ZNF616: variants seen among roughly 807,000 people sequenced by gnomAD.
ZNF616 encodes the protein zinc finger protein 616.
ZNF616 carries 5 observed loss-of-function variants against 7.6 expected under a neutral mutation model. That is an observed-to-expected ratio of 0.66 (90% confidence interval 0.34 to 1.38). The LOEUF (loss-of-function observed/expected upper bound fraction) is 1.38, where lower values mean the gene tolerates loss of function less well. Ranked by LOEUF, ZNF616 falls within the 40% of genes most tolerant of loss-of-function variation. The pLI is 0.04. For synonymous variants in ZNF616, 319 were observed against 317.2 expected (o/e 1.01, Z -0.06); for missense variants, 913 against 948.3 (o/e 0.96, Z 0.49).
In ZNF616 at chr19:52,116,465, T is replaced by C; in HGVS notation, c.699A>G (p.Val233=). 6.2e-6 allele frequency: 10 copies of C among 1,614,164 alleles called. No homozygotes were observed. The highest frequency in any genetic ancestry group is 8.5e-6 in the Non-Finnish European group (10 of 1,180,020). ...HRASLLTVHK[V]VHTRGKSYQC... is the part of the protein sequence containing the mutation. ...GATATGATTTCCCTCTTGTATGGAC[T>C]ACCTTGTGTACAGTTAGTAGTGAGG... is the stretch of plus-strand genomic sequence containing the variant. The change falls in exon 4 of 4, where the codon GTA becomes GTG. Residue 233 remains valine (V), a synonymous_variant. Coordinates refer to ENST00000600228, the MANE Select transcript of ZNF616 (RefSeq NM_178523.5).
At chr19:52,133,401 T>A (rs2088976908) in intron 1 of ZNF616, among the ~76,000 whole-genome samples, 2 of 152,158 alleles carry the variant, frequency 1.3e-5, no homozygotes, top group Middle Eastern at 3.4e-3. Context: ...AATAGGCCAA[T>A]TTTTTTTCTC....
At chr19:52,125,968 T>G (rs902035207) in intron 2 of ZNF616, among the ~76,000 whole-genome samples, 2 of 152,046 alleles carry the variant, frequency 1.3e-5, no homozygotes, top group Non-Finnish European at 2.9e-5. Context: ...AGCAAACCTC[T>G]TCAATAGGGA....
rs201876717 is a variant in ZNF616, at chr19:52,114,992, T to C, written c.2172A>G (p.Lys724=). The part of the protein sequence containing the change: ...EKRYKCIECG[K]AFGRLFSLSK... ...TGAGGGAAAACAACCGCCCAAAGGC[T>C]TTGCCACATTCAATACATTTGTATC... The change falls in exon 4 of 4, where the codon AAA becomes AAG. Residue 724 remains lysine, a synonymous_variant. Coordinates refer to ENST00000600228, the MANE Select transcript of ZNF616 (RefSeq NM_178523.5). The C allele has an allele frequency of 1.9e-6, 3 of 1,614,216 alleles. No homozygotes were observed. The highest frequency in any genetic ancestry group is 2.2e-5 in the East Asian group (1 of 44,884).
Position 52,114,738 on chromosome 19 carries a change from G to A in ZNF616, c.*80C>T, listed in dbSNP as rs918966335. The A allele has an allele frequency of 6.8e-7, 1 of 1,467,328 alleles. No homozygotes were observed. The allele number at this position is 1,467,328 out of a possible 1,614,324, so 90.9% of individuals were successfully genotyped here. Reference sequence around the variant, plus strand: ...ATACTGGAGATTACAATTCCACAGGGATTTCAAGAGAAGGGGTAAATATAC... The same window carrying A: ...ATACTGGAGATTACAATTCCACAGGAATTTCAAGAGAAGGGGTAAATATAC... On this transcript the variant is annotated 3_prime_UTR_variant, in exon 4 of 4. Transcript: ENST00000600228.
At chr19:52,138,694 GCTCC>G (rs991043716) in intron 1 of ZNF616, 1 of 152,154 alleles carries the variant, frequency 6.6e-6, no homozygotes, top group African/African-American at 2.4e-5. Flanking sequence ...CCCCATCTGA[GCTCC>G]CTGTCTGCTC....
chr19:52,116,776 C>T lies in ZNF616; in HGVS notation c.388G>A (p.Asp130Asn). The stretch of plus-strand genomic sequence containing the variant: ...TTTTCAATATGATTGTTTTCTACAT[C>T]CCCTTGACTATGTTGATCTCTTTTA... ...TGKRDQHSQG[D>N]VENNHIENQL... Residue 130 changes from aspartate (D) to asparagine (N), a missense_variant, in exon 4 of 4, where the codon GAT becomes AAT. Transcript: ENST00000600228. 1.2e-6 allele frequency: 2 copies of T among 1,614,132 alleles called. 1 individual carries two copies. The highest frequency in any genetic ancestry group is 2.2e-5 in the South Asian group (2 of 91,078).
In ZNF616 at chr19:52,114,612, C is replaced by A. The variant is rs2088797747; in HGVS notation, c.*206G>T. 1 of 552,306 alleles carries A rather than the reference C, an allele frequency of 1.8e-6. No homozygotes were observed. The highest frequency in any genetic ancestry group is 1.9e-5 in the African/African-American group (1 of 52,450). The allele number at this position is 552,306 out of a possible 1,614,324, so 34.2% of individuals were successfully genotyped here. On this transcript the variant is annotated 3_prime_UTR_variant, in exon 4 of 4. Transcript: ENST00000600228. Reference sequence around the variant, plus strand: ...TAAACAGCCAGACCTCAAGAGAAGTCACTATTGCCAGGACAGCACCAAGGG... The same window carrying A: ...TAAACAGCCAGACCTCAAGAGAAGTAACTATTGCCAGGACAGCACCAAGGG...
intron 3 of ZNF616, among the ~76,000 whole-genome samples, chr19:52,121,823 C>T (rs1443044073): frequency 6.6e-6 from 1 of 152,084 alleles, no homozygotes; most frequent in African/African-American, 2.4e-5. Context: ...TGGATATAGA[C>T]TTAAATGTAA....
intron 1 of ZNF616, among the ~76,000 whole-genome samples, chr19:52,131,797 A>G (rs1024668228): frequency 6.6e-6 from 1 of 152,160 alleles, no homozygotes; most frequent in Non-Finnish European, 1.5e-5. Context: ...TGTTTAAATG[A>G]GTGGGAAGTC....
chr19:52,138,993 T>C (rs2089036100), intron 1 of ZNF616, among the ~76,000 whole-genome samples: 3 of 152,142 alleles, frequency 2.0e-5, no homozygotes, highest in Admixed American at 6.5e-5. Flanking sequence ...AGCTCTCCCT[T>C]TTCCCTAATT....
At chr19:52,132,539 C>T (rs2088969290) in intron 1 of ZNF616, among the ~76,000 whole-genome samples, 1 of 152,122 alleles carries the variant, frequency 6.6e-6, no homozygotes, top group Admixed American at 6.5e-5. Flanking sequence ...AATGGTTTCG[C>T]ACCACCCCTT....
chr19:52,139,471 C>T lies in ZNF616; in HGVS notation c.-77+261G>A, dbSNP rs947710640. Among the ~76,000 whole-genome samples, 2 of 152,090 alleles carry T rather than the reference C, an allele frequency of 1.3e-5. No homozygotes were observed. Among genetic ancestry groups the T allele is most frequent in the African/African-American group, 4.8e-5 (2 of 41,432 alleles). On this transcript the variant is annotated intron_variant, in intron 1 of 3. Transcript: ENST00000600228. This position sits in a 1 kb window ranked among gnomAD's most constrained non-coding sequence, Gnocchi z 4.1. ...TCCCAGGACCTGGGAGAAGAAGCGG[C>T]TCCTTCAGGAGCTGGGCAGCGGGCG... is the stretch of plus-strand genomic sequence containing the variant.
chr19:52,127,356 A>G (rs1352203217), intron 2 of ZNF616, among the ~76,000 whole-genome samples: 3 of 152,148 alleles, frequency 2.0e-5, no homozygotes, highest in Non-Finnish European at 4.4e-5. Flanking sequence ...CACCCGGCCA[A>G]TATGTGGAAT....
At chr19:52,131,247 G>A (rs189047946) in intron 1 of ZNF616, among the ~76,000 whole-genome samples, 1 of 121,220 alleles carries the variant, frequency 8.2e-6, no homozygotes, top group African/African-American at 3.3e-5. Context: ...CAGCCTGGGC[G>A]ACAGAGACTC....
Position 52,128,259 on chromosome 19 carries a change from C to T in ZNF616, c.12+2242G>A, listed in dbSNP as rs2088926990. Among the ~76,000 whole-genome samples, 5 of 151,256 alleles carry T rather than the reference C, an allele frequency of 3.3e-5. No homozygotes were observed. In the South Asian group the frequency reaches 6.2e-4, roughly 19 times the overall value. Reference sequence around the variant, plus strand: ...GGCTATGGGGAAAATGAAAACCCTTCGTATTTCCATTTTCCAATTCCTTGG... The same window carrying T: ...GGCTATGGGGAAAATGAAAACCCTTTGTATTTCCATTTTCCAATTCCTTGG... On this transcript the variant is annotated intron_variant, in intron 2 of 3. Coordinates refer to ENST00000600228, the MANE Select transcript of ZNF616 (RefSeq NM_178523.5).
intron 2 of ZNF616, among the ~76,000 whole-genome samples, chr19:52,124,478 G>A (rs952321263): frequency 2.6e-4 from 40 of 152,202 alleles, no homozygotes; most frequent in African/African-American, 8.7e-4. Flanking sequence ...CACTCCCCAC[G>A]TGCTGGGCAT....
intron 2 of ZNF616, among the ~76,000 whole-genome samples, chr19:52,124,855 G>A (rs868622204): frequency 1.3e-5 from 2 of 152,256 alleles, no homozygotes; most frequent in Middle Eastern, 3.4e-3. Context: ...TTCCAAGATG[G>A]TGTCTTGTTG....
intron 1 of ZNF616, among the ~76,000 whole-genome samples, chr19:52,133,661 G>GCA (rs1458764351): frequency 4.6e-5 from 7 of 152,034 alleles, no homozygotes; most frequent in African/African-American, 1.7e-4. Flanking sequence ...CTACAGGCAT[G>GCA]TGCCACCACA....
chr19:52,128,177 C>T (rs1472633433), intron 2 of ZNF616, among the ~76,000 whole-genome samples: 2 of 146,238 alleles, frequency 1.4e-5, no homozygotes, highest in African/African-American at 5.4e-5. Flanking sequence ...GGGTGGATTT[C>T]CCACCCAATA....
Sources: gnomAD v4.1 joint callset for allele counts (sites outside exome capture counted in the v4.1 genomes callset) on GRCh38, gnomAD v4.1.1 for gene constraint, Gnocchi (gnomAD v3.1) non-coding constraint, MANE v1.5 for transcripts, NCBI Gene and HGNC (gene_info 2026-07-23, HGNC 2026-07-21) for gene names.